The following TMEM154 variants were observed in gnomAD, a reference collection of about 807,000 sequenced individuals.
TMEM154 encodes transmembrane protein 154.
Under a neutral mutation model 24.5 loss-of-function variants are expected in TMEM154, and 27 were observed. The ratio of observed to expected loss-of-function variants is 1.10; its 90% CI spans 0.81 to 1.52. TMEM154 has a LOEUF of 1.52. Ranked by LOEUF, TMEM154 falls within the 40% of genes most tolerant of loss-of-function variation. The pLI, the probability that TMEM154 is intolerant of heterozygous loss-of-function variation, is 0.00. For missense variants in TMEM154, 228 were observed against 213.4 expected (o/e 1.07, Z -0.43); for synonymous variants, 67 against 76.8 (o/e 0.87, Z 0.67).
intron 1 of TMEM154, among the ~76,000 whole-genome samples, chr4:152,665,586 A>G (rs1424561096): frequency 6.6e-6 from 1 of 152,216 alleles, no homozygotes; most frequent in African/African-American, 2.4e-5. Context: ...GATGCATGCC[A>G]GGGTTTAAAC....
At chr4:152,658,932 G>T (rs1196605536) in intron 1 of TMEM154, among the ~76,000 whole-genome samples, 1 of 152,136 alleles carries the variant, frequency 6.6e-6, no homozygotes, top group Non-Finnish European at 1.5e-5. Context: ...AATTAGTACA[G>T]CCACTATGGA....
At chr4:152,635,345 G>T (rs1460612038) in intron 6 of TMEM154, among the ~76,000 whole-genome samples, 1 of 152,178 alleles carries the variant, frequency 6.6e-6, no homozygotes, top group African/African-American at 2.4e-5. Context: ...AAAAGAGAAT[G>T]AAAATACATT....
intron 3 of TMEM154, among the ~76,000 whole-genome samples, chr4:152,651,312 C>T (rs1488910585): frequency 6.6e-6 from 1 of 152,064 alleles, no homozygotes; most frequent in African/African-American, 2.4e-5. Flanking sequence ...GCCACCATGC[C>T]CAGTCAGATG....
chr4:152,637,017 G>A (rs548200444), intron 6 of TMEM154, among the ~76,000 whole-genome samples: 1 of 152,214 alleles, frequency 6.6e-6, no homozygotes, highest in Non-Finnish European at 1.5e-5. Context: ...ATAATGGTGT[G>A]TCAATGTAGG....
At chr4:152,659,203 C>T (rs1561053947) in intron 1 of TMEM154, among the ~76,000 whole-genome samples, 2 of 152,128 alleles carry the variant, frequency 1.3e-5, no homozygotes, top group African/African-American at 4.8e-5. Flanking sequence ...GAAATCATGT[C>T]TTATGCTGCA....
intron 6 of TMEM154, among the ~76,000 whole-genome samples, chr4:152,638,855 C>T (rs756191501): frequency 2.6e-5 from 4 of 152,320 alleles, no homozygotes; most frequent in African/African-American, 7.2e-5. Context: ...TGCCACACAG[C>T]TCTGGACCCA....
chr4:152,664,298 C>T (rs1021116258), intron 1 of TMEM154, among the ~76,000 whole-genome samples: 5 of 151,890 alleles, frequency 3.3e-5, no homozygotes, highest in African/African-American at 7.3e-5. Context: ...ACCACATGTT[C>T]TCACTCATAA....
rs746175401 is a variant in TMEM154, at chr4:152,643,121, G to A, written c.445C>T (p.Leu149Phe). Residue 149 changes from leucine (L) to phenylalanine (F), a missense_variant, in exon 5 of 7, where the codon CTT becomes TTT. Physicochemically the swap from Leu to Phe is conservative, Grantham distance 22. Coordinates refer to ENST00000304385, the MANE Select transcript of TMEM154 (RefSeq NM_152680.3). ...TTCATGCTGTTCATCCATTTATCAAGCTCTTCCATTTCAATTTCCATAACA... is the reference window on the plus strand; with the variant it reads ...TTCATGCTGTTCATCCATTTATCAAACTCTTCCATTTCAATTTCCATAACA... ...PSVMEIEMEE[L>F]DKWMNSMNRN... 1 of 1,613,286 alleles carries A rather than the reference G, an allele frequency of 6.2e-7. No individual in the cohort carries two copies. The highest frequency in any genetic ancestry group is 1.7e-5 in the Admixed American group (1 of 59,742).
At chr4:152,650,828 C>T (rs1245583098) in intron 3 of TMEM154, among the ~76,000 whole-genome samples, 2 of 152,192 alleles carry the variant, frequency 1.3e-5, no homozygotes, top group Non-Finnish European at 2.9e-5. Context: ...CGTTAGTCTC[C>T]TTGTACATCT....
intron 1 of TMEM154, among the ~76,000 whole-genome samples, chr4:152,663,234 G>A (rs1037341226): frequency 6.6e-6 from 1 of 152,098 alleles, no homozygotes; most frequent in African/African-American, 2.4e-5. Flanking sequence ...TTTCTCTGCT[G>A]TTCCCCAGAA....
intron 6 of TMEM154, among the ~76,000 whole-genome samples, chr4:152,639,588 C>T (rs1354341291): frequency 6.6e-6 from 1 of 151,624 alleles, no homozygotes; most frequent in Non-Finnish European, 1.5e-5. Flanking sequence ...CTCTCTCTCT[C>T]CCCCTCTCTC....
intron 6 of TMEM154, among the ~76,000 whole-genome samples, chr4:152,635,466 T>A (rs903599112): frequency 4.6e-5 from 7 of 152,272 alleles, no homozygotes; most frequent in African/African-American, 1.7e-4. Flanking sequence ...AATTATTTTA[T>A]TTTTAACTGG....
chr4:152,625,316 C>CACCA lies in TMEM154; in HGVS notation c.*3226_*3229dup, dbSNP rs531926637. 575 of 158,534 alleles carry CACCA rather than the reference C, an allele frequency of 3.6e-3. 1 individual carries two copies. Among genetic ancestry groups the CACCA allele is most frequent in the Admixed American group, 5.8e-3 (93 of 16,010 alleles). 9.8% of individuals were successfully genotyped at this position (158,534 alleles called of 1,614,324 possible). On this transcript the variant is annotated 3_prime_UTR_variant, in exon 7 of 7. Transcript: ENST00000304385. ...TGAGACTTGGAACTTGGAAGGCCTA[C>CACCA]ACCACGAGGGCCAATTCTGCCATAA...
chr4:152,656,441 C>A (rs1728494096), intron 1 of TMEM154, among the ~76,000 whole-genome samples: 1 of 152,156 alleles, frequency 6.6e-6, no homozygotes, highest in African/African-American at 2.4e-5. Context: ...ACCACAGCCT[C>A]CACTAACAAC....
At chr4:152,638,842 G>A (rs1235737336) in intron 6 of TMEM154, among the ~76,000 whole-genome samples, 1 of 152,186 alleles carries the variant, frequency 6.6e-6, no homozygotes, top group African/African-American at 2.4e-5. Context: ...GCCATCCTGT[G>A]AATGCCACAC....
In TMEM154 at chr4:152,640,992, C is replaced by CATTCAAATAA. The variant is rs1752247841; in HGVS notation, c.479-8_479-7insTTATTTGAAT. The CATTCAAATAA allele has an allele frequency of 4.4e-6, 7 of 1,607,160 alleles. No homozygotes were observed. The Admixed American group carries it at 6.8e-5, about 16-fold the overall frequency. ...GGTAAACATTCAAAGTCGGCTAGGA[C>CATTCAAATAA]AGAATAAAAGCAAACTCATTGTTAG... On this transcript the variant is annotated splice_region_variant and splice_polypyrimidine_tract_variant and intron_variant, in intron 5 of 6. Transcript: ENST00000304385.
At chr4:152,628,620 AC>A in intron 6 of TMEM154, 59 bp from the exon 7 acceptor site, 3 of 1,176,052 alleles carry the variant, frequency 2.6e-6, no homozygotes, top group African/African-American at 1.7e-5. Context: ...CACACACAAA[AC>A]AGTAATATAT....
At chr4:152,643,584 A>G (rs188860236) in intron 4 of TMEM154, among the ~76,000 whole-genome samples, 1 of 152,338 alleles carries the variant, frequency 6.6e-6, no homozygotes, top group Non-Finnish European at 1.5e-5. Flanking sequence ...GCCCCAGGTC[A>G]AGAGGCCACT....
intron 1 of TMEM154, among the ~76,000 whole-genome samples, chr4:152,655,177 G>C (rs1728465594): frequency 6.6e-6 from 1 of 152,200 alleles, no homozygotes; most frequent in African/African-American, 2.4e-5. Flanking sequence ...GAGAACACAG[G>C]AATTCAACAG....
Sources: gnomAD v4.1 joint callset for allele counts (sites outside exome capture counted in the v4.1 genomes callset) on GRCh38, gnomAD v4.1.1 for gene constraint, MANE v1.5 for transcripts, NCBI Gene and HGNC (gene_info 2026-07-23, HGNC 2026-07-21) for gene names.